JAZF1: variants seen among roughly 807,000 people sequenced by gnomAD.
JAZF1 encodes juxtaposed with another zinc finger protein 1.
JAZF1 carries 8 observed loss-of-function variants against 26.4 expected under a neutral mutation model. That is an observed-to-expected ratio of 0.30 (90% CI 0.18 to 0.55). The LOEUF (loss-of-function observed/expected upper bound fraction) is 0.55, where lower values mean the gene tolerates loss of function less well. Among genes scored for constraint, JAZF1 ranks in the 20% least tolerant of loss-of-function variants. The pLI is 0.94. For missense variants in JAZF1, 199 were observed against 322.0 expected (o/e 0.62, Z 2.92); for synonymous variants, 126 against 122.3 (o/e 1.03, Z -0.20).
rs543374149 is a variant in JAZF1, at chr7:27,870,749, A to G, written c.385+24471T>C. Among the ~76,000 whole-genome samples the G allele has an allele frequency of 4.6e-5, 7 of 152,264 alleles. No individual in the cohort carries two copies. In the East Asian group the frequency reaches 1.4e-3, roughly 29 times the overall value. On this transcript the variant is annotated intron_variant, in intron 3 of 4. Coordinates refer to ENST00000283928, the MANE Select transcript of JAZF1 (RefSeq NM_175061.4). ...GCTGCCCAGGTCAAATAAATGGGAA[A>G]CCAGCATTTGCAAGCCAGGTGACAG...
rs190100487 is a variant in JAZF1, at chr7:28,038,895, C to T, written c.116-46914G>A. Among the ~76,000 whole-genome samples, 791 of 152,308 alleles carry T rather than the reference C, an allele frequency of 5.2e-3. 4 individuals carry two copies. The highest frequency in any genetic ancestry group is 0.014 in the Middle Eastern group (4 of 294). ...AAAGTATTGTACAAAAAACCATGCT[C>T]ATGATGAGGTATGAACTGTTCCTTT... On this transcript the variant is annotated intron_variant, in intron 1 of 4. Transcript: ENST00000283928.
intron 1 of JAZF1, among the ~76,000 whole-genome samples, chr7:28,174,047 T>C (rs1413883956): frequency 6.6e-6 from 1 of 152,166 alleles, no homozygotes; most frequent in African/African-American, 2.4e-5. Flanking sequence ...TGGTTTCCTA[T>C]CTTCAGATTC....
chr7:28,123,084 G>A (rs971527689), intron 1 of JAZF1, among the ~76,000 whole-genome samples: 2 of 151,890 alleles, frequency 1.3e-5, no homozygotes, highest in South Asian at 2.1e-4. Context: ...TTCCAGCTAC[G>A]TCACCCTGCA....
chr7:28,000,240 C>T (rs918922274), intron 1 of JAZF1, among the ~76,000 whole-genome samples: 4 of 152,048 alleles, frequency 2.6e-5, no homozygotes, highest in African/African-American at 7.3e-5. Context: ...CCCCCGACCC[C>T]CCATCCACAC....
intron 1 of JAZF1, among the ~76,000 whole-genome samples, chr7:28,127,377 G>GTCTATCAAGTGGCC: frequency 6.6e-6 from 1 of 152,262 alleles, no homozygotes; most frequent in South Asian, 2.1e-4. Context: ...ATGGAACCTC[G>GTCTATCAAGTGGCC]TCTATCAAGT....
chr7:27,930,099 C>T (rs1784664891), intron 2 of JAZF1, among the ~76,000 whole-genome samples: 2 of 151,986 alleles, frequency 1.3e-5, no homozygotes, highest in South Asian at 4.2e-4. Flanking sequence ...GGGTTCACAC[C>T]ATTCTCCTGC....
chr7:28,036,268 T>C (rs1437026110), intron 1 of JAZF1, among the ~76,000 whole-genome samples: 1 of 152,180 alleles, frequency 6.6e-6, no homozygotes, highest in Non-Finnish European at 1.5e-5. Flanking sequence ...AGAATAAACT[T>C]CAGGTTAGAG....
Position 27,836,383 on chromosome 7 carries a change from C to T in JAZF1, c.556-3407G>A, listed in dbSNP as rs988489830. 3.9e-5 allele frequency among the ~76,000 whole-genome samples: 6 copies of T among 152,214 alleles called. No homozygotes were observed. The East Asian group carries it at 5.8e-4, about 15-fold the overall frequency. ...ATTAGGCCAGTCAATAGACAGCAGG[C>T]GACTTAAAGGCTTTTCTAAAAAGTC... On this transcript the variant is annotated intron_variant, in intron 4 of 4. Transcript: ENST00000283928.
chr7:28,167,838 T>A (rs999816419), intron 1 of JAZF1, among the ~76,000 whole-genome samples: 3 of 152,236 alleles, frequency 2.0e-5, no homozygotes, highest in Non-Finnish European at 4.4e-5. Flanking sequence ...AACTGCTTCA[T>A]AAAGAACAAT....
intron 1 of JAZF1, among the ~76,000 whole-genome samples, chr7:28,050,206 A>G (rs1374225913): frequency 6.6e-6 from 1 of 152,208 alleles, no homozygotes; most frequent in Non-Finnish European, 1.5e-5. Flanking sequence ...TGCTCAGAAA[A>G]TTACAAGGGT....
chr7:28,016,866 A>G (rs191312636), intron 1 of JAZF1, among the ~76,000 whole-genome samples: 41 of 152,362 alleles, frequency 2.7e-4, no homozygotes, highest in African/African-American at 9.6e-4. Context: ...TCTAGGCACT[A>G]GAAATATGGC....
At chr7:28,104,467 C>G (rs1265867134) in intron 1 of JAZF1, among the ~76,000 whole-genome samples, 1 of 152,188 alleles carries the variant, frequency 6.6e-6, no homozygotes, top group East Asian at 1.9e-4. Flanking sequence ...TAACAACCTG[C>G]CCTTACATGT....
intron 2 of JAZF1, among the ~76,000 whole-genome samples, chr7:27,960,460 T>TA (rs1583481642): frequency 6.6e-6 from 1 of 152,318 alleles, no homozygotes; most frequent in East Asian, 1.9e-4. Context: ...AGGCATTGTG[T>TA]AAAAATGTAA....
chr7:27,885,640 C>T (rs1783847537), intron 3 of JAZF1, among the ~76,000 whole-genome samples: 1 of 152,180 alleles, frequency 6.6e-6, no homozygotes, highest in Admixed American at 6.5e-5. Flanking sequence ...TCCTTTAAAG[C>T]ACACACTTCT....
At chr7:27,951,098 T>A (rs1785001094) in intron 2 of JAZF1, among the ~76,000 whole-genome samples, 1 of 152,202 alleles carries the variant, frequency 6.6e-6, no homozygotes, top group Admixed American at 6.5e-5. Flanking sequence ...CAGCTTTAAT[T>A]ACTTCTATTC....
chr7:28,026,530 C>T (rs1030829662), intron 1 of JAZF1, among the ~76,000 whole-genome samples: 8 of 152,156 alleles, frequency 5.3e-5, no homozygotes, highest in South Asian at 2.1e-4. Flanking sequence ...GACTGCAATG[C>T]TTCTAACGTA....
rs1203018702 is a variant in JAZF1 at position 27,831,149 on chromosome 7, A to G, written c.*1651T>C. ...CAAGACCATACTTCAGATCTGAGGA[A>G]ATTTTTAGAGGGCAGTGTTTTTATA... is the stretch of plus-strand genomic sequence containing the variant. On this transcript the variant is annotated 3_prime_UTR_variant, in exon 5 of 5. Transcript: ENST00000283928. 4.5e-6 allele frequency: 1 copy of G among 223,222 alleles called. No homozygotes were observed. The highest frequency in any genetic ancestry group is 9.0e-6 in the Non-Finnish European group (1 of 111,566). 13.8% of individuals were successfully genotyped at this position (223,222 alleles called of 1,614,324 possible).
At chr7:27,874,221 C>T (rs1446086903) in intron 3 of JAZF1, among the ~76,000 whole-genome samples, 1 of 152,246 alleles carries the variant, frequency 6.6e-6, no homozygotes, top group East Asian at 1.9e-4. Flanking sequence ...TCCCACACCA[C>T]AGAACCCATG....
intron 1 of JAZF1, among the ~76,000 whole-genome samples, chr7:28,095,376 A>G (rs1336198541): frequency 1.3e-5 from 2 of 152,174 alleles, no homozygotes; most frequent in East Asian, 3.9e-4. Flanking sequence ...AAGGGGAAGC[A>G]AAACATGATC....
Sources: gnomAD v4.1 joint callset for allele counts (sites outside exome capture counted in the v4.1 genomes callset) on GRCh38, gnomAD v4.1.1 for gene constraint, MANE v1.5 for transcripts, NCBI Gene and HGNC (gene_info 2026-07-23, HGNC 2026-07-21) for gene names.